The following ADAMTS18 variants were observed in gnomAD, a reference collection of about 807,000 sequenced individuals.
The protein encoded by ADAMTS18 is A disintegrin and metalloproteinase with thrombospondin motifs 18.
In ADAMTS18, 157 loss-of-function variants were observed where a neutral mutation model predicts 165.9. The observed-to-expected ratio is 0.95, with a 90% CI of 0.83 to 1.08. The LOEUF (loss-of-function observed/expected upper bound fraction) is 1.08, where lower values mean the gene tolerates loss of function less well. Ranked by LOEUF, ADAMTS18 falls within the 50% of genes least tolerant of loss-of-function variation. The pLI, the probability that ADAMTS18 is intolerant of heterozygous loss-of-function variation, is 0.00. For synonymous variants in ADAMTS18, 782 were observed against 578.2 expected, an observed-to-expected ratio of 1.35 and a Z score of -5.06; for missense variants, 2,040 against 1,534.0, an observed-to-expected ratio of 1.33 and a Z score of -5.51.
chr16:77,300,391 C>A lies in ADAMTS18; in HGVS notation c.2546G>T (p.Gly849Val). The A allele has an allele frequency of 6.2e-7, 1 of 1,613,986 alleles. No individual in the cohort carries two copies. Among genetic ancestry groups the A allele is most frequent in the South Asian group, 1.1e-5 (1 of 91,064 alleles). Residue 849 changes from glycine (G) to valine (V), a missense_variant, in exon 17 of 23, where the codon GGC (glycine) becomes GTC (valine). By Grantham distance (109) the Gly-to-Val change is moderately radical (BLOSUM62 -3). Transcript: ENST00000282849. ...CTTCCAAGCTATCCCTGGATTTTTGCCTTGCATCAGAATCTGGACAGTGTA... is the reference window on the plus strand; with the variant it reads ...CTTCCAAGCTATCCCTGGATTTTTGACTTGCATCAGAATCTGGACAGTGTA... ...ETLVFEILMQ[G>V]KNPGIAWKYA...
chr16:77,342,629 C>G (rs190419848), intron 10 of ADAMTS18, among the ~76,000 whole-genome samples: 5 of 152,256 alleles, frequency 3.3e-5, no homozygotes, highest in Non-Finnish European at 1.5e-5. Flanking sequence ...AATATGTAGA[C>G]AATTTAACTC....
intron 3 of ADAMTS18, among the ~76,000 whole-genome samples, chr16:77,371,112 G>A (rs1394741868): frequency 2.6e-5 from 4 of 152,080 alleles, no homozygotes; most frequent in African/African-American, 9.7e-5. Flanking sequence ...CTTCTTGGAA[G>A]GGTGAGCTGG....
At chr16:77,325,141 C>A (rs2056070546) in intron 13 of ADAMTS18, among the ~76,000 whole-genome samples, 1 of 152,194 alleles carries the variant, frequency 6.6e-6, no homozygotes, top group Non-Finnish European at 1.5e-5. Context: ...CCATTCTACA[C>A]ATGGGCAGTT....
intron 3 of ADAMTS18, among the ~76,000 whole-genome samples, chr16:77,384,912 T>G (rs1178849663): frequency 7.8e-6 from 1 of 128,530 alleles, no homozygotes; most frequent in African/African-American, 2.5e-5. Context: ...CAGATAAGGT[T>G]TTTTTTTTTT....
intron 18 of ADAMTS18, 82 bp from the exon 19 acceptor site, chr16:77,295,209 A>C: frequency 7.0e-7 from 1 of 1,422,358 alleles, no homozygotes; most frequent in East Asian, 2.3e-5. Flanking sequence ...AAGGTAAACC[A>C]CCTATGGAAG....
chr16:77,396,487 T>G (rs891339493), intron 3 of ADAMTS18, among the ~76,000 whole-genome samples: 1 of 152,218 alleles, frequency 6.6e-6, no homozygotes, highest in Non-Finnish European at 1.5e-5. Flanking sequence ...AGTAGTATAA[T>G]TTTTGAAGGA....
rs1182835518 is a variant in ADAMTS18 at position 77,326,136 on chromosome 16, CCA to C, written c.1860-100_1860-99del. ...AGAGAGGCAATGAAGATGAGCACTG[CCA>C]CAGTGTATGCAAAGGCATACAGTCT... On this transcript the variant is annotated intron_variant, in intron 12 of 22. Transcript: ENST00000282849. 2.8e-5 allele frequency: 33 copies of C among 1,190,420 alleles called. 1 individual carries two copies. The South Asian group carries it at 3.4e-4, about 12-fold the overall frequency. 73.7% of individuals were successfully genotyped at this position (1,190,420 alleles called of 1,614,324 possible). A position where few individuals can be genotyped will look rare whatever the true frequency, so the allele number is the denominator to read the frequency against.
chr16:77,328,139 T>A (rs1032427697), intron 12 of ADAMTS18, among the ~76,000 whole-genome samples: 3 of 152,072 alleles, frequency 2.0e-5, no homozygotes, highest in Admixed American at 1.3e-4. Flanking sequence ...GCAAGCTCTT[T>A]AAGATCTTGG....
chr16:77,299,368 AT>A (rs1327100183), intron 17 of ADAMTS18, among the ~76,000 whole-genome samples: 1 of 152,214 alleles, frequency 6.6e-6, no homozygotes, highest in Non-Finnish European at 1.5e-5. Flanking sequence ...CCTTTTAATT[AT>A]TTTATATATG....
chr16:77,362,324 C>A, intron 6 of ADAMTS18, 60 bp from the exon 7 acceptor site: 2 of 1,580,396 alleles, frequency 1.3e-6, no homozygotes. Flanking sequence ...AATGCTGAAT[C>A]ATTCCATTTG....
In ADAMTS18 at chr16:77,403,559, G is replaced by T. The variant is rs146334581; in HGVS notation, c.495+27736C>A. The stretch of plus-strand genomic sequence containing the variant: ...ATGTAGTTAAAAGTCAATAGTAATA[G>T]TTCCCTGCCCTCTGAATATCTCTGC... On this transcript the variant is annotated intron_variant, in intron 3 of 22. Transcript: ENST00000282849. 6.4e-4 allele frequency among the ~76,000 whole-genome samples: 98 copies of T among 152,314 alleles called. 1 individual carries two copies. Among genetic ancestry groups the T allele is most frequent in the African/African-American group, 2.1e-3 (86 of 41,558 alleles).
chr16:77,403,739 A>G (rs1235001807), intron 3 of ADAMTS18, among the ~76,000 whole-genome samples: 1 of 152,206 alleles, frequency 6.6e-6, no homozygotes, highest in African/African-American at 2.4e-5. Flanking sequence ...TATACATCAG[A>G]GATGCTGGGA....
intron 3 of ADAMTS18, among the ~76,000 whole-genome samples, chr16:77,400,475 TGTGTGTTTTG>T (rs1567541734): frequency 5.6e-5 from 7 of 125,792 alleles, no homozygotes; most frequent in African/African-American, 1.4e-4. Context: ...TGTGTGTGTG[TGTGTGTTTTG>T]TTTTTTTTTT....
intron 3 of ADAMTS18, among the ~76,000 whole-genome samples, chr16:77,427,169 T>A (rs1020380378): frequency 6.6e-6 from 1 of 152,190 alleles, no homozygotes; most frequent in Non-Finnish European, 1.5e-5. Context: ...TCCCTGAGCT[T>A]CTGTTGTAGA....
Position 77,364,370 on chromosome 16 carries a change from G to C in ADAMTS18, c.790C>G (p.Pro264Ala). The change falls in exon 5 of 23, where the codon CCT (proline) becomes GCT (alanine). Residue 264 changes from proline to alanine, a missense_variant. Coordinates refer to ENST00000282849, the MANE Select transcript of ADAMTS18 (RefSeq NM_199355.4). ...CGRRKKYAPK[P>A]PTEDTYLRFD... is the part of the protein sequence containing the mutation. ...CTTAGATAGGTGTCCTCTGTGGGAG[G>C]CTTGGGAGCATCTACGATGAACAGA... 1 of 1,613,656 alleles carries C rather than the reference G, an allele frequency of 6.2e-7. No homozygotes were observed. Among genetic ancestry groups the C allele is most frequent in the Non-Finnish European group, 8.5e-7 (1 of 1,179,938 alleles).
At chr16:77,367,327 C>G in intron 4 of ADAMTS18, 114 bp downstream of exon 4, 1 of 1,162,608 alleles carries the variant, frequency 8.6e-7, no homozygotes, top group Non-Finnish European at 1.3e-6. Flanking sequence ...TACACCAAGA[C>G]AGATGCTCAG....
intron 14 of ADAMTS18, 30 bp downstream of exon 14, chr16:77,322,306 A>C: frequency 6.2e-7 from 1 of 1,613,352 alleles, no homozygotes. Flanking sequence ...AAGCATGCTC[A>C]TACACTCCAA....
In ADAMTS18 at chr16:77,293,219, G is replaced by C. The variant is rs2055400958; in HGVS notation, c.3046C>G (p.Leu1016Val). Residue 1016 changes from leucine (L) to valine (V), a missense_variant, in exon 20 of 23, where the codon CTC becomes GTC. Physicochemically the swap from Leu to Val is conservative, Grantham distance 32 (BLOSUM62 1). Transcript: ENST00000282849. Reference protein sequence around the residue: ...TCGRGVRKRELLCKGSAAETL... With the variant: ...TCGRGVRKREVLCKGSAAETL... ...TCTGCGGCAGAGCCCTTGCAGAGGA[G>C]TTCACGCTTCCTCACCCCTCGTCCA... The C allele has an allele frequency of 2.5e-6, 4 of 1,613,678 alleles. No individual in the cohort carries two copies. The East Asian group carries it at 8.9e-5, about 36-fold the overall frequency.
chr16:77,412,083 G>T (rs2057471917), intron 3 of ADAMTS18, among the ~76,000 whole-genome samples: 1 of 151,984 alleles, frequency 6.6e-6, no homozygotes, highest in Non-Finnish European at 1.5e-5. Context: ...AAAGCAGATG[G>T]CCCTCCCCAA....
Sources: allele counts gnomAD v4.1 joint callset (sites outside exome capture counted in the v4.1 genomes callset), GRCh38; gene constraint gnomAD v4.1.1; transcripts MANE v1.5; gene names NCBI Gene and HGNC (gene_info 2026-07-23, HGNC 2026-07-21).